The following ARFIP1 variants were observed in gnomAD, a reference collection of about 807,000 sequenced individuals.
The protein encoded by ARFIP1 is ARF interacting protein 1.
A neutral mutation model predicts 42.5 loss-of-function variants in ARFIP1; 24 were observed. The observed-to-expected ratio is 0.57, with a 90% CI of 0.41 to 0.80. ARFIP1 has a LOEUF of 0.80. ARFIP1 is among the 30% of genes least tolerant of loss of function. The probability of loss-of-function intolerance (pLI) is 0.00; values close to 1 mark genes in which losing one functional copy is unlikely to be tolerated. For synonymous variants in ARFIP1, 141 were observed against 153.7 expected (o/e 0.92, Z 0.61); for missense variants, 354 against 434.0 (o/e 0.82, Z 1.64).
intron 1 of ARFIP1, among the ~76,000 whole-genome samples, chr4:152,821,823 G>T (rs1347556216): frequency 2.0e-5 from 3 of 152,092 alleles, no homozygotes; most frequent in Non-Finnish European, 4.4e-5. Flanking sequence ...AAGGGATTGG[G>T]GTCCTATCTT....
intron 2 of ARFIP1, among the ~76,000 whole-genome samples, chr4:152,839,256 C>T (rs1731878814): frequency 6.6e-6 from 1 of 151,920 alleles, no homozygotes; most frequent in Non-Finnish European, 1.5e-5. Flanking sequence ...TTGATTATGT[C>T]CTTTCCTGGT....
chr4:152,897,756 G>A lies in ARFIP1; in HGVS notation c.966+9449G>A, dbSNP rs573855872. Among the ~76,000 whole-genome samples the A allele has an allele frequency of 2.6e-5, 4 of 152,222 alleles. 1 individual carries two copies. Among genetic ancestry groups the A allele is most frequent in the African/African-American group, 7.2e-5 (3 of 41,548 alleles). Reference sequence around the variant, plus strand: ...GATTTGCCAGGTTTGTGATAAAGGTGAGTTTTTAAGTGATCAATGTGATAC... The same window carrying A: ...GATTTGCCAGGTTTGTGATAAAGGTAAGTTTTTAAGTGATCAATGTGATAC... On this transcript the variant is annotated intron_variant, in intron 8 of 8. Coordinates refer to ENST00000353617, the MANE Select transcript of ARFIP1 (RefSeq NM_001025595.3).
At chr4:152,782,744 T>G (rs1730577818) in intron 1 of ARFIP1, among the ~76,000 whole-genome samples, 2 of 152,250 alleles carry the variant, frequency 1.3e-5, no homozygotes. Context: ...TTTTAATGAT[T>G]GTTTCTCTCT....
chr4:152,907,337 A>G (rs2149915979), intron 8 of ARFIP1, among the ~76,000 whole-genome samples: 1 of 118,302 alleles, frequency 8.5e-6, no homozygotes, highest in African/African-American at 3.5e-5. Flanking sequence ...AGCTCTCATA[A>G]TCTTTTTCTC....
chr4:152,827,430 C>T (rs973873762), intron 1 of ARFIP1, among the ~76,000 whole-genome samples: 8 of 152,080 alleles, frequency 5.3e-5, no homozygotes, highest in African/African-American at 1.4e-4. Flanking sequence ...ACCCCAAGTT[C>T]GTACTTTACC....
chr4:152,825,798 A>G (rs1730789632), intron 1 of ARFIP1, among the ~76,000 whole-genome samples: 1 of 152,220 alleles, frequency 6.6e-6, no homozygotes, highest in Admixed American at 6.5e-5. Context: ...CTGACAGCCA[A>G]TATCCAGAAT....
At chr4:152,819,783 C>T (rs1401824466) in intron 1 of ARFIP1, among the ~76,000 whole-genome samples, 1 of 152,174 alleles carries the variant, frequency 6.6e-6, no homozygotes, top group Non-Finnish European at 1.5e-5. Flanking sequence ...AACAGTCAGG[C>T]AGCCCTGGTG....
At chr4:152,896,597 A>T (rs1737353598) in intron 8 of ARFIP1, among the ~76,000 whole-genome samples, 1 of 152,234 alleles carries the variant, frequency 6.6e-6, no homozygotes, top group Non-Finnish European at 1.5e-5. Context: ...TAATAAAATC[A>T]GTTACCTATA....
At chr4:152,903,181 A>T (rs72725604) in intron 8 of ARFIP1, among the ~76,000 whole-genome samples, 4,087 of 152,312 alleles carry the variant, frequency 0.027, 100 homozygotes, top group South Asian at 0.11. Flanking sequence ...GTTAATAAAA[A>T]ATAGGCAGAA....
At chr4:152,805,950 G>A (rs759650274) in intron 1 of ARFIP1, among the ~76,000 whole-genome samples, 1 of 152,224 alleles carries the variant, frequency 6.6e-6, no homozygotes, top group Non-Finnish European at 1.5e-5. Context: ...GCCTCACAAT[G>A]TGGAGGCTTT....
At chr4:152,810,487 G>A (rs940071891) in intron 1 of ARFIP1, 12 of 152,132 alleles carry the variant, frequency 7.9e-5, no homozygotes, top group African/African-American at 2.9e-4. Flanking sequence ...ATATGATGTT[G>A]TGCTGGTGTA....
intron 1 of ARFIP1, among the ~76,000 whole-genome samples, chr4:152,826,044 G>A (rs1046466057): frequency 9.9e-5 from 15 of 151,528 alleles, no homozygotes; most frequent in South Asian, 2.1e-4. Flanking sequence ...ATGCTTATAC[G>A]TTGCTGGTGA....
intron 1 of ARFIP1, among the ~76,000 whole-genome samples, chr4:152,824,265 A>G (rs904475894): frequency 6.6e-6 from 1 of 151,808 alleles, no homozygotes; most frequent in African/African-American, 2.4e-5. Flanking sequence ...GGGAGCCTTG[A>G]TCATGCCACT....
At chr4:152,864,540 C>T (rs760259492) in intron 3 of ARFIP1, among the ~76,000 whole-genome samples, 13 of 152,216 alleles carry the variant, frequency 8.5e-5, no homozygotes, top group Non-Finnish European at 1.6e-4. Flanking sequence ...GTGAGACTGA[C>T]AACATAGGTG....
At chr4:152,803,383 A>G (rs1392111268) in intron 1 of ARFIP1, among the ~76,000 whole-genome samples, 3 of 152,174 alleles carry the variant, frequency 2.0e-5, no homozygotes, top group Non-Finnish European at 4.4e-5. Context: ...CACCCTTGAC[A>G]CTATTGACAT....
At chr4:152,781,197 GT>G (rs1730464940) in intron 1 of ARFIP1, among the ~76,000 whole-genome samples, 2 of 150,720 alleles carry the variant, frequency 1.3e-5, no homozygotes, top group South Asian at 4.2e-4. Context: ...TAAGTCAGCC[GT>G]CTGTTAAGGC....
chr4:152,841,636 T>C (rs1578910536), intron 2 of ARFIP1, among the ~76,000 whole-genome samples: 1 of 152,332 alleles, frequency 6.6e-6, no homozygotes, highest in Non-Finnish European at 1.5e-5. Context: ...GTATCTTTCC[T>C]TCATATATGA....
intron 1 of ARFIP1, among the ~76,000 whole-genome samples, chr4:152,822,550 T>C (rs1276439947): frequency 1.3e-5 from 2 of 152,192 alleles, no homozygotes; most frequent in South Asian, 2.1e-4. Flanking sequence ...CAAGCTACAC[T>C]GTAGAACAAA....
At position 152,828,799 on chromosome 4, in the gene ARFIP1, C is replaced by A. The variant is rs1446575133; in HGVS notation, c.-9-826C>A. ...TCGTATCTAAGAAGTCATCACCATA[C>A]CCACGGTCATCTAGGTTTTCTCCTA... is the stretch of plus-strand genomic sequence containing the variant. On this transcript the variant is annotated intron_variant, in intron 1 of 8. Transcript: ENST00000353617. Among the ~76,000 whole-genome samples the A allele has an allele frequency of 2.0e-5, 3 of 152,266 alleles. No homozygotes were observed. The South Asian group carries it at 6.2e-4, about 32-fold the overall frequency.
Sources: gnomAD v4.1 joint callset for allele counts (sites outside exome capture counted in the v4.1 genomes callset) on GRCh38, gnomAD v4.1.1 for gene constraint, MANE v1.5 for transcripts, NCBI Gene and HGNC (gene_info 2026-07-23, HGNC 2026-07-21) for gene names.